The following SLC14A2 variants were observed in gnomAD, a reference collection of about 807,000 sequenced individuals.
SLC14A2 encodes the protein urea transporter 2.
Under a neutral mutation model 104.6 loss-of-function variants are expected in SLC14A2, and 91 were observed. That is an observed-to-expected ratio of 0.87 (90% CI 0.73 to 1.04). SLC14A2 has a LOEUF of 1.04. SLC14A2 is among the 50% of genes least tolerant of loss of function. SLC14A2 has a pLI of 0.00. For synonymous variants in SLC14A2, 476 were observed against 466.4 expected, an observed-to-expected ratio of 1.02 and a Z score of -0.27; for missense variants, 1,189 against 1,156.0, an observed-to-expected ratio of 1.03 and a Z score of -0.41.
chr18:45,317,279 C>T (rs992838467), intron 1 of SLC14A2, among the ~76,000 whole-genome samples: 12 of 152,188 alleles, frequency 7.9e-5, no homozygotes, highest in Non-Finnish European at 1.5e-4. Flanking sequence ...GGTGCACACA[C>T]GCACATTATA....
At position 45,489,347 on chromosome 18, in the gene SLC14A2, C is replaced by A. The variant is rs1045140831; in HGVS notation, c.-35+6025C>A. Among the ~76,000 whole-genome samples, 4 of 152,062 alleles carry A rather than the reference C, an allele frequency of 2.6e-5. No individual in the cohort carries two copies. In the East Asian group the frequency reaches 5.8e-4, roughly 22 times the overall value. On this transcript the variant is annotated intron_variant, in intron 2 of 20. Transcript: ENST00000586448. ...CCAACATAGGGAAAACCTGTCTCTA[C>A]TAAAAATACAAAAACTATCTAGGTG... is the stretch of plus-strand genomic sequence containing the variant.
chr18:45,654,421 T>C (rs2045795636), intron 10 of SLC14A2, among the ~76,000 whole-genome samples: 1 of 152,084 alleles, frequency 6.6e-6, no homozygotes, highest in South Asian at 2.1e-4. Context: ...TTCCTCCTAC[T>C]GCGTGCAGGA....
chr18:45,172,543 A>G, the SLC14A2 span, among the ~76,000 whole-genome samples: 1 of 152,136 alleles, frequency 6.6e-6, no homozygotes, highest in Non-Finnish European at 1.5e-5. Context: ...TCATTTATTT[A>G]TCAGTGGTTT....
intron 2 of SLC14A2, among the ~76,000 whole-genome samples, chr18:45,581,899 C>T (rs2044498181): frequency 1.3e-5 from 2 of 152,072 alleles, no homozygotes; most frequent in South Asian, 4.2e-4. Flanking sequence ...ATTGTGTGCT[C>T]AGCCTGGTGA....
intron 1 of SLC14A2, among the ~76,000 whole-genome samples, chr18:45,621,899 G>T (rs2045176639): frequency 6.6e-6 from 1 of 152,124 alleles, no homozygotes; most frequent in Non-Finnish European, 1.5e-5. Flanking sequence ...TGAGGGAAAG[G>T]TCTTCATGCC....
intron 2 of SLC14A2, among the ~76,000 whole-genome samples, chr18:45,510,610 C>A (rs752133834): frequency 6.6e-6 from 1 of 152,094 alleles, no homozygotes; most frequent in African/African-American, 2.4e-5. Flanking sequence ...TAAGCCAATG[C>A]CCCACCCAGA....
At chr18:45,229,911 C>T (rs778123568) in intron 1 of SLC14A2, among the ~76,000 whole-genome samples, 3 of 152,168 alleles carry the variant, frequency 2.0e-5, no homozygotes, top group African/African-American at 7.2e-5. Context: ...AATCCTGGAT[C>T]GGTATGTGCT....
chr18:45,240,824 ATT>A (rs2084307909), intron 1 of SLC14A2, among the ~76,000 whole-genome samples: 1 of 151,036 alleles, frequency 6.6e-6, no homozygotes, highest in East Asian at 2.0e-4. Context: ...TGCCCGGCTC[ATT>A]TTTTTCTATT....
intron 19 of SLC14A2, among the ~76,000 whole-genome samples, chr18:45,679,853 T>G (rs566426058): frequency 1.3e-5 from 2 of 152,226 alleles, no homozygotes; most frequent in Non-Finnish European, 2.9e-5. Context: ...TGGGCTTCAT[T>G]GTATTTGTGC....
At chr18:45,187,452 G>C in the SLC14A2 span, among the ~76,000 whole-genome samples, 1 of 152,126 alleles carries the variant, frequency 6.6e-6, no homozygotes, top group South Asian at 2.1e-4. Flanking sequence ...AACAATAAAG[G>C]TTTTAATCTG....
rs573013465 is a variant in SLC14A2, at chr18:45,479,047, A to G, written c.-124-4186A>G. On this transcript the variant is annotated intron_variant, in intron 1 of 20. Coordinates refer to the SLC14A2 transcript ENST00000586448. ...CTTTGCTTGAGGTCTTTGGCAGCAG[A>G]CACCTTTCAGCATCTACCTGCCCTA... Among the ~76,000 whole-genome samples, 19 of 152,244 alleles carry G rather than the reference A, an allele frequency of 1.2e-4. No individual in the cohort carries two copies. The East Asian group carries it at 3.5e-3, about 28-fold the overall frequency.
At chr18:45,254,160 C>T (rs1421763105) in intron 1 of SLC14A2, among the ~76,000 whole-genome samples, 2 of 152,232 alleles carry the variant, frequency 1.3e-5, no homozygotes, top group South Asian at 2.1e-4. Flanking sequence ...CAGCTCCTCT[C>T]ATTCAGTCGA....
At chr18:45,503,786 T>C (rs1390271076) in intron 2 of SLC14A2, among the ~76,000 whole-genome samples, 1 of 74,184 alleles carries the variant, frequency 1.3e-5, no homozygotes, top group Admixed American at 1.3e-4. Flanking sequence ...GCTGATCTGC[T>C]GTGGCTTAAT....
intron 2 of SLC14A2, among the ~76,000 whole-genome samples, chr18:45,569,509 T>C (rs1403673895): frequency 6.6e-6 from 1 of 152,232 alleles, no homozygotes; most frequent in Non-Finnish European, 1.5e-5. Flanking sequence ...AAGGTATATT[T>C]AATTCAGACT....
chr18:45,521,578 C>A (rs183952428), intron 2 of SLC14A2, among the ~76,000 whole-genome samples: 2 of 152,108 alleles, frequency 1.3e-5, no homozygotes, highest in East Asian at 3.9e-4. Context: ...AGAAAGTAAC[C>A]CTGTTTCCTT....
intron 4 of SLC14A2, among the ~76,000 whole-genome samples, chr18:45,628,586 T>A (rs1050266920): frequency 1.3e-5 from 2 of 152,188 alleles, no homozygotes; most frequent in Non-Finnish European, 2.9e-5. Context: ...GTCAGAGAAG[T>A]TTGGAAAGCA....
intron 1 of SLC14A2, among the ~76,000 whole-genome samples, chr18:45,338,003 A>G (rs755829809): frequency 2.0e-5 from 3 of 152,160 alleles, no homozygotes; most frequent in East Asian, 3.8e-4. Context: ...TGGAGGCTTC[A>G]TCTACATAAT....
At chr18:45,483,659 G>A (rs978086159) in intron 2 of SLC14A2, among the ~76,000 whole-genome samples, 2 of 152,196 alleles carry the variant, frequency 1.3e-5, no homozygotes, top group Non-Finnish European at 2.9e-5. Flanking sequence ...GAATGGGTGA[G>A]AGAAAAGATA....
In SLC14A2 at chr18:45,666,300, A is replaced by C; in HGVS notation, c.1557+81A>C. ...GCAGATGAGGGAGCTGAGAGCTGTA[A>C]ACAAGGTTCTCCGATTTAGGCAAAC... is the stretch of plus-strand genomic sequence containing the variant. On this transcript the variant is annotated intron_variant, in intron 12 of 19. Transcript: ENST00000255226. 3.2e-6 allele frequency: 3 copies of C among 930,642 alleles called. No individual in the cohort carries two copies. The East Asian group carries it at 7.3e-5, about 23-fold the overall frequency. The allele number at this position is 930,642 out of a possible 1,614,324, so 57.6% of individuals were successfully genotyped here.
Sources: gnomAD v4.1 joint callset for allele counts (sites outside exome capture counted in the v4.1 genomes callset) on GRCh38, gnomAD v4.1.1 for gene constraint, MANE v1.5 for transcripts, NCBI Gene and HGNC (gene_info 2026-07-23, HGNC 2026-07-21) for gene names.